The following ERP44 variants were observed in gnomAD, a reference collection of about 807,000 sequenced individuals.
ERP44 encodes the protein endoplasmic reticulum resident protein 44.
A neutral mutation model predicts 53.4 loss-of-function variants in ERP44; 25 were observed. The ratio of observed to expected loss-of-function variants is 0.47; its 90% CI spans 0.34 to 0.65. The LOEUF (loss-of-function observed/expected upper bound fraction) is 0.65, where lower values mean the gene tolerates loss of function less well. ERP44 is among the 30% of genes least tolerant of loss of function. The probability of loss-of-function intolerance (pLI) is 0.01; values close to 1 mark genes in which losing one functional copy is unlikely to be tolerated. For synonymous variants in ERP44, 145 were observed against 161.2 expected (o/e 0.90, Z 0.76); for missense variants, 338 against 493.2 (o/e 0.69, Z 2.98).
At chr9:100,078,553 A>G (rs949305021) in intron 1 of ERP44, among the ~76,000 whole-genome samples, 8 of 151,800 alleles carry the variant, frequency 5.3e-5, no homozygotes, top group Admixed American at 5.3e-4. Flanking sequence ...CTGGGAGTTC[A>G]AGACCAGCCT....
chr9:100,013,423 GAA>G (rs201814591), intron 8 of ERP44, among the ~76,000 whole-genome samples: 2 of 135,488 alleles, frequency 1.5e-5, no homozygotes, highest in Non-Finnish European at 1.6e-5. Flanking sequence ...ATCTAAGAGT[GAA>G]AAAAAAAAAA....
chr9:100,076,569 G>A (rs762298106), intron 1 of ERP44, among the ~76,000 whole-genome samples: 1 of 152,218 alleles, frequency 6.6e-6, no homozygotes, highest in Non-Finnish European at 1.5e-5. Flanking sequence ...TTCAAGCAGT[G>A]TACCTGGCTG....
At position 99,981,887 on chromosome 9, in the gene ERP44, C is replaced by G. The variant is rs562534947; in HGVS notation, c.*725G>C. ...GCCTGTTCCACTGTCACCTCCCTGT[C>G]CCAGATTTAGGTATAATTCATTCAA... is the stretch of plus-strand genomic sequence containing the variant. On this transcript the variant is annotated 3_prime_UTR_variant, in exon 12 of 12. Transcript: ENST00000262455. 5.9e-5 allele frequency: 9 copies of G among 152,258 alleles called. No individual in the cohort carries two copies. In the East Asian group the frequency reaches 1.4e-3, roughly 23 times the overall value. The allele number at this position is 152,258 out of a possible 1,614,324, so 9.4% of individuals were successfully genotyped here.
At chr9:100,087,012 TA>T (rs56304002) in intron 1 of ERP44, among the ~76,000 whole-genome samples, 3,182 of 116,462 alleles carry the variant, frequency 0.027, 271 homozygotes, top group African/African-American at 0.094. Flanking sequence ...ATTTTATAAA[TA>T]AAAAAAAAAA....
intron 10 of ERP44, among the ~76,000 whole-genome samples, chr9:99,988,023 A>G (rs1289192937): frequency 6.6e-6 from 1 of 152,222 alleles, no homozygotes; most frequent in Non-Finnish European, 1.5e-5. Context: ...TATATGTCTT[A>G]CTTTTGAAGA....
chr9:100,016,238 G>C, intron 8 of ERP44, 84 bp downstream of exon 8: 1 of 1,513,624 alleles, frequency 6.6e-7, no homozygotes, highest in Non-Finnish European at 8.8e-7. Context: ...TCATAACTCT[G>C]TTAACATAGT....
chr9:100,068,960 G>A (rs1181802185), intron 1 of ERP44, among the ~76,000 whole-genome samples: 1 of 152,214 alleles, frequency 6.6e-6, no homozygotes, highest in Non-Finnish European at 1.5e-5. Context: ...AAATTCTTCT[G>A]CCGTGGGATC....
At chr9:100,090,795 A>C (rs983035065) in intron 1 of ERP44, among the ~76,000 whole-genome samples, 7 of 152,284 alleles carry the variant, frequency 4.6e-5, no homozygotes, top group African/African-American at 1.4e-4. Flanking sequence ...CAGGCTTGTA[A>C]ATATGAGTGC....
chr9:100,026,628 A>G (rs1830655667), intron 4 of ERP44, among the ~76,000 whole-genome samples: 1 of 152,204 alleles, frequency 6.6e-6, no homozygotes, highest in Non-Finnish European at 1.5e-5. Flanking sequence ...AAAAATCAGT[A>G]ATAATAAAAA....
intron 1 of ERP44, among the ~76,000 whole-genome samples, chr9:100,087,982 G>A (rs1826505327): frequency 6.6e-6 from 1 of 152,026 alleles, no homozygotes; most frequent in Non-Finnish European, 1.5e-5. Flanking sequence ...AAATCTTTTG[G>A]TTTAACATTT....
In ERP44 at chr9:100,048,915, C is replaced by G. The variant is rs546698285; in HGVS notation, c.286+3502G>C. Among the ~76,000 whole-genome samples, 163 of 152,046 alleles carry G rather than the reference C, an allele frequency of 1.1e-3. 2 individuals are homozygous for G. Among genetic ancestry groups the G allele is most frequent in the Non-Finnish European group, 1.9e-3 (126 of 68,002 alleles). ...TAACGGGTGTAGAGCTTCAGTTTTG[C>G]AAGATGAAGAACTGGAGACTGGTTG... On this transcript the variant is annotated intron_variant, in intron 4 of 11. Transcript: ENST00000262455.
chr9:100,096,124 T>G (rs1482337531), intron 1 of ERP44, among the ~76,000 whole-genome samples: 1 of 152,122 alleles, frequency 6.6e-6, no homozygotes, highest in Admixed American at 6.6e-5. Flanking sequence ...ACAAATGGAC[T>G]GCAGTGCTAC....
At chr9:99,996,221 G>A (rs1830308764) in intron 10 of ERP44, among the ~76,000 whole-genome samples, 1 of 152,158 alleles carries the variant, frequency 6.6e-6, no homozygotes. Context: ...CACCCTCATG[G>A]TAGTTGAGTT....
Position 99,979,409 on chromosome 9 carries a change from A to G in ERP44, c.*3203T>C, listed in dbSNP as rs1830123432. On this transcript the variant is annotated 3_prime_UTR_variant, in exon 12 of 12. Coordinates refer to ENST00000262455, the MANE Select transcript of ERP44 (RefSeq NM_015051.3). ...GAGCTTGAACATTTCAAACACTTCTATATTTCACTCTCCTCTCTGTAGCTT... is the reference window on the plus strand; with the variant it reads ...GAGCTTGAACATTTCAAACACTTCTGTATTTCACTCTCCTCTCTGTAGCTT... 6.6e-6 allele frequency: 1 copy of G among 151,264 alleles called. No individual in the cohort carries two copies. The allele number at this position is 151,264 out of a possible 1,614,324, so 9.4% of individuals were successfully genotyped here.
In ERP44 at chr9:99,982,007, C is replaced by G. The variant is rs2118592530; in HGVS notation, c.*605G>C. Reference sequence around the variant, plus strand: ...TTTTTCTTGTTTCATAAGGACAATTCCTGCCAAATGTTCTGTCTTATGACT... The same window carrying G: ...TTTTTCTTGTTTCATAAGGACAATTGCTGCCAAATGTTCTGTCTTATGACT... On this transcript the variant is annotated 3_prime_UTR_variant, in exon 12 of 12. Transcript: ENST00000262455. 6.6e-6 allele frequency: 1 copy of G among 152,648 alleles called. No individual in the cohort carries two copies. Among genetic ancestry groups the G allele is most frequent in the Non-Finnish European group, 1.5e-5 (1 of 68,022 alleles). The allele number at this position is 152,648 out of a possible 1,614,324, so 9.5% of individuals were successfully genotyped here. A position where few individuals can be genotyped will look rare whatever the true frequency, so the allele number is the denominator to read the frequency against.
intron 10 of ERP44, among the ~76,000 whole-genome samples, chr9:99,993,968 C>T (rs538317324): frequency 1.4e-4 from 22 of 152,284 alleles, no homozygotes; most frequent in African/African-American, 5.1e-4. Flanking sequence ...CCATCTCACA[C>T]CAGTTAGAAT....
At chr9:100,018,130 A>G (rs1464802686) in intron 7 of ERP44, 126 bp downstream of exon 7, 5 of 703,386 alleles carry the variant, frequency 7.1e-6, no homozygotes, top group African/African-American at 5.3e-5. Flanking sequence ...GCACAAGATG[A>G]TGCTTCAAAC....
At position 100,093,786 on chromosome 9, in the gene ERP44, T is replaced by C. The variant is rs112415178; in HGVS notation, c.57+4998A>G. Among the ~76,000 whole-genome samples, 966 of 152,314 alleles carry C rather than the reference T, an allele frequency of 6.3e-3. 9 individuals are homozygous for C. Among genetic ancestry groups the C allele is most frequent in the Non-Finnish European group, 0.011 (747 of 68,024 alleles). On this transcript the variant is annotated intron_variant, in intron 1 of 11. Transcript: ENST00000262455. ...CAAATGACTTTTACACCTAAGAAGC[T>C]TGATCACACTCATATTAAAGACAGG...
At chr9:100,035,663 G>A (rs994388031) in intron 4 of ERP44, among the ~76,000 whole-genome samples, 8 of 151,702 alleles carry the variant, frequency 5.3e-5, no homozygotes, top group African/African-American at 1.2e-4. Context: ...CAACAAGACC[G>A]AAACTCTGTC....
Sources: allele counts gnomAD v4.1 joint callset (sites outside exome capture counted in the v4.1 genomes callset), GRCh38; gene constraint gnomAD v4.1.1; transcripts MANE v1.5; gene names NCBI Gene and HGNC (gene_info 2026-07-23, HGNC 2026-07-21).